The following MROH1 variants were observed in gnomAD, a reference collection of about 807,000 sequenced individuals.
MROH1 encodes maestro heat-like repeat-containing protein family member 1.
A neutral mutation model predicts 116.5 loss-of-function variants in MROH1; 117 were observed. The ratio of observed to expected loss-of-function variants is 1.00; its 90% CI spans 0.86 to 1.17. The LOEUF (loss-of-function observed/expected upper bound fraction) is 1.17, where lower values mean the gene tolerates loss of function less well. MROH1 is among the 50% of genes most tolerant of loss of function. The pLI, the probability that MROH1 is intolerant of heterozygous loss-of-function variation, is 0.00. For synonymous variants in MROH1, 921 were observed against 583.9 expected, an observed-to-expected ratio of 1.58 and a Z score of -8.32; for missense variants, 1,873 against 1,338.5, an observed-to-expected ratio of 1.40 and a Z score of -6.23.
At chr8:144,191,144 A>G (rs907604515) in intron 8 of MROH1, among the ~76,000 whole-genome samples, 1 of 152,140 alleles carries the variant, frequency 6.6e-6, no homozygotes, top group African/African-American at 2.4e-5. Flanking sequence ...ACCTTGGCTC[A>G]CTGCAGCCTC....
At chr8:144,224,433 A>AT (rs902583347) in intron 14 of MROH1, among the ~76,000 whole-genome samples, 1 of 151,624 alleles carries the variant, frequency 6.6e-6, no homozygotes, top group African/African-American at 2.4e-5. Context: ...CACCTGGCTA[A>AT]TTTTTTATTT....
Position 144,191,759 on chromosome 8 carries a change from G to A in MROH1, c.759G>A (p.Leu253=), listed in dbSNP as rs199633257. Reference sequence around the variant, plus strand: ...AGGCTCTGGGGCCTATGAGCCATCTGCTGCCCAGTGAGAGGCTGGAAGAGC... The same window carrying A: ...AGGCTCTGGGGCCTATGAGCCATCTACTGCCCAGTGAGAGGCTGGAAGAGC... ...VVEALGPMSH[L]LPSERLEEQL... is the part of the protein sequence containing the mutation. Residue 253 remains leucine, a synonymous_variant, in exon 9 of 44, where the codon CTG becomes CTA. Coordinates refer to ENST00000326134, the MANE Select transcript of MROH1 (RefSeq NM_032450.3). 27 of 1,613,002 alleles carry A rather than the reference G, an allele frequency of 1.7e-5. No individual in the cohort carries two copies. The highest frequency in any genetic ancestry group is 2.1e-5 in the Non-Finnish European group (25 of 1,179,744).
Position 144,261,316 on chromosome 8 carries a change from C to T in MROH1, c.4807C>T (p.Gln1603Ter). 1.4e-6 allele frequency: 1 copy of T among 721,824 alleles called. No individual in the cohort carries two copies. The highest frequency in any genetic ancestry group is 2.5e-6 in the Non-Finnish European group (1 of 397,348). The allele number at this position is 721,824 out of a possible 1,614,324, so 44.7% of individuals were successfully genotyped here. A position where few individuals can be genotyped will look rare whatever the true frequency, so the allele number is the denominator to read the frequency against. ...FLVLHSEPRQQPQVDLDQLIA... is the reference protein window; with the variant it reads ...FLVLHSEPRQ ...GGTGCTGCACTCGGAGCCCAGGCAG[C>T]AGCCGCAGGTGGACCTGGACCAGCT... The change falls in exon 43 of 44, where the codon CAG becomes TAG. Residue 1603 changes from glutamine (Q) to a stop codon, truncating the protein, a stop_gained. Coordinates refer to ENST00000326134, the MANE Select transcript of MROH1 (RefSeq NM_032450.3). LOFTEE classifies it high-confidence loss of function.
At chr8:144,240,344 G>A (rs1363104232) in intron 19 of MROH1, among the ~76,000 whole-genome samples, 191 bp downstream of exon 19, 3 of 152,300 alleles carry the variant, frequency 2.0e-5, no homozygotes, top group East Asian at 1.9e-4. Context: ...ACAAGGCACC[G>A]GCCCTCTAGC....
chr8:144,168,894 C>T (rs1222818918), intron 4 of MROH1, among the ~76,000 whole-genome samples: 2 of 152,206 alleles, frequency 1.3e-5, no homozygotes, highest in Non-Finnish European at 2.9e-5. Context: ...GAGGGGCTGC[C>T]CAGGAGGGGC....
chr8:144,168,858 G>C (rs116719285), intron 4 of MROH1, among the ~76,000 whole-genome samples: 5 of 152,214 alleles, frequency 3.3e-5, no homozygotes, highest in Non-Finnish European at 7.3e-5. Context: ...AGGGCCCGGC[G>C]CTGCTGGTCT....
intron 35 of MROH1, 63 bp downstream of exon 35, chr8:144,255,768 G>A (rs1274857196): frequency 4.7e-5 from 33 of 700,400 alleles, no homozygotes; most frequent in Non-Finnish European, 5.6e-5. Context: ...GCGTGTGCAC[G>A]CGCGTGGTGG....
chr8:144,157,989 C>CTTTTTTTTTTT (rs1157662078), intron 1 of MROH1, among the ~76,000 whole-genome samples: 3 of 88,862 alleles, frequency 3.4e-5, no homozygotes, highest in African/African-American at 4.4e-5. Context: ...CTATTTCTTT[C>CTTTTTTTTTTT]TTTTTTTTTT....
intron 33 of MROH1, chr8:144,251,977 C>T (rs1383077986): frequency 4.7e-6 from 1 of 211,496 alleles, no homozygotes; most frequent in Non-Finnish European, 9.3e-6. Flanking sequence ...GCCCATCCTT[C>T]CTCTGCCGGG....
intron 14 of MROH1, among the ~76,000 whole-genome samples, chr8:144,224,389 C>T (rs895664819): frequency 5.3e-5 from 8 of 152,148 alleles, no homozygotes; most frequent in African/African-American, 1.7e-4. Flanking sequence ...ACCTCAGCCT[C>T]CTGAGTAGCT....
rs1164007897 is a variant in MROH1 at position 144,261,634 on chromosome 8, GC to G, written c.4841-15del. 1.4e-6 allele frequency: 1 copy of G among 705,744 alleles called. No individual in the cohort carries two copies. 43.7% of individuals were successfully genotyped at this position (705,744 alleles called of 1,614,324 possible). A position where few individuals can be genotyped will look rare whatever the true frequency, so the allele number is the denominator to read the frequency against. Reference sequence around the variant, plus strand: ...ATGCCGAGGTCACAGCCCGCAGGCAGCCCCCCTCCTCTACCCCCAGCGCTCC... The same window carrying G: ...ATGCCGAGGTCACAGCCCGCAGGCAGCCCCCTCCTCTACCCCCAGCGCTCC... On this transcript the variant is annotated intron_variant, in intron 43 of 43. Transcript: ENST00000326134.
intron 14 of MROH1, among the ~76,000 whole-genome samples, chr8:144,235,835 G>A (rs1839949251): frequency 6.6e-6 from 1 of 152,152 alleles, no homozygotes; most frequent in African/African-American, 2.4e-5. Context: ...ACACATATAG[G>A]TACATACATG....
Position 144,247,208 on chromosome 8 carries a change from T to A in MROH1, c.2872-93T>A, listed in dbSNP as rs1044591704. ...GCTTCGTGGACACCAGCAGCACTCC[T>A]GGCCACACTCCAGCCCTCCTCTGGG... On this transcript the variant is annotated intron_variant, in intron 29 of 43. Coordinates refer to ENST00000326134, the MANE Select transcript of MROH1 (RefSeq NM_032450.3). 364 of 706,112 alleles carry A rather than the reference T, an allele frequency of 5.2e-4. 3 individuals are homozygous for A. In the African/African-American group the frequency reaches 5.6e-3, roughly 11 times the overall value. 43.7% of individuals were successfully genotyped at this position (706,112 alleles called of 1,614,324 possible). A position where few individuals can be genotyped will look rare whatever the true frequency, so the allele number is the denominator to read the frequency against.
At chr8:144,189,517 C>T (rs1828022577) in intron 7 of MROH1, among the ~76,000 whole-genome samples, 1 of 152,220 alleles carries the variant, frequency 6.6e-6, no homozygotes, top group Admixed American at 6.5e-5. Flanking sequence ...ACCCAGATGT[C>T]CATACCACTC....
intron 4 of MROH1, among the ~76,000 whole-genome samples, chr8:144,171,002 CAG>C (rs1397361341): frequency 6.6e-6 from 1 of 152,254 alleles, no homozygotes; most frequent in Non-Finnish European, 1.5e-5. Context: ...ACAATCAACA[CAG>C]AAGATTTCTG....
intron 14 of MROH1, among the ~76,000 whole-genome samples, chr8:144,236,285 G>T (rs1432484796): frequency 6.6e-6 from 1 of 152,110 alleles, no homozygotes; most frequent in Non-Finnish European, 1.5e-5. Flanking sequence ...TCATATCGGG[G>T]GTCCTAGTGT....
intron 43 of MROH1, 63 bp from the exon 44 acceptor site, chr8:144,261,592 C>T (rs1845083874): frequency 7.1e-6 from 5 of 700,764 alleles, no homozygotes; most frequent in Non-Finnish European, 1.3e-5. Flanking sequence ...GAGCGTGGCC[C>T]ACGCGCAGGC....
At chr8:144,245,538 G>A (rs1215180777) in intron 29 of MROH1, among the ~76,000 whole-genome samples, 4 of 152,354 alleles carry the variant, frequency 2.6e-5, no homozygotes, top group East Asian at 1.9e-4. Flanking sequence ...TTTGGTTGGC[G>A]ATATTTTTAT....
At chr8:144,234,078 C>T (rs1405679390) in intron 14 of MROH1, among the ~76,000 whole-genome samples, 2 of 152,098 alleles carry the variant, frequency 1.3e-5, no homozygotes, top group South Asian at 4.1e-4. Context: ...GGCGCGATCT[C>T]GGCTCACTGC....
Sources: allele counts gnomAD v4.1 joint callset (sites outside exome capture counted in the v4.1 genomes callset), GRCh38; gene constraint gnomAD v4.1.1; transcripts MANE v1.5; gene names NCBI Gene and HGNC (gene_info 2026-07-23, HGNC 2026-07-21).